PIEZO2: variants seen among roughly 807,000 people sequenced by gnomAD.
PIEZO2 encodes piezo-type mechanosensitive ion channel component 2.
A neutral mutation model predicts 337.3 loss-of-function variants in PIEZO2; 172 were observed. The observed-to-expected ratio is 0.51, with a 90% CI of 0.45 to 0.58. PIEZO2 has a LOEUF of 0.58. Ranked by LOEUF, PIEZO2 falls within the 20% of genes least tolerant of loss-of-function variation. PIEZO2 has a pLI of 0.00. For missense variants in PIEZO2, 3,028 were observed against 3,391.3 expected (o/e 0.89, Z 2.66); for synonymous variants, 1,251 against 1,228.5 (o/e 1.02, Z -0.38).
intron 34 of PIEZO2, among the ~76,000 whole-genome samples, 171 bp from the exon 35 acceptor site, chr18:10,735,501 A>T (rs1247822900): frequency 2.6e-5 from 4 of 152,218 alleles, no homozygotes; most frequent in Admixed American, 2.6e-4. Context: ...GAATAAAGAA[A>T]ATAGTCAATC....
At chr18:11,095,352 A>G (rs1211035752) in intron 1 of PIEZO2, among the ~76,000 whole-genome samples, 1 of 152,208 alleles carries the variant, frequency 6.6e-6, no homozygotes, top group African/African-American at 2.4e-5. Flanking sequence ...ACGAAGAAAG[A>G]CACCATTGAC....
rs558476566 is a variant in PIEZO2, at chr18:10,847,096, C to T, written c.917+8257G>A. On this transcript the variant is annotated intron_variant, in intron 7 of 55. Transcript: ENST00000674853. This position sits in a 1 kb window ranked among gnomAD's most constrained non-coding sequence, Gnocchi z 5.7. ...GCTAGGTGCTCTGCCTAGAAAATAGCAGGGCCAAGGTTCAATCTCGAGCCC... is the reference window on the plus strand; with the variant it reads ...GCTAGGTGCTCTGCCTAGAAAATAGTAGGGCCAAGGTTCAATCTCGAGCCC... Among the ~76,000 whole-genome samples, 27 of 152,172 alleles carry T rather than the reference C, an allele frequency of 1.8e-4. No homozygotes were observed. The highest frequency in any genetic ancestry group is 2.5e-4 in the Non-Finnish European group (17 of 68,026).
rs555919329 is a variant in PIEZO2, at chr18:10,993,548, G to A, written c.161-13888C>T. Among the ~76,000 whole-genome samples the A allele has an allele frequency of 6.6e-6, 1 of 151,864 alleles. No homozygotes were observed. The highest frequency in any genetic ancestry group is 1.5e-5 in the Non-Finnish European group (1 of 67,960). ...TTGTTGTTGTTGTTGTTGTTTTGAGGCGGAGTCTCGCTCTGTGGCCCAGGC... is the reference window on the plus strand; with the variant it reads ...TTGTTGTTGTTGTTGTTGTTTTGAGACGGAGTCTCGCTCTGTGGCCCAGGC... On this transcript the variant is annotated intron_variant, in intron 2 of 55. Coordinates refer to ENST00000674853, the MANE Select transcript of PIEZO2 (RefSeq NM_001378183.1). The surrounding 1 kb of genome is among the most constrained non-coding windows in gnomAD (Gnocchi z 5.0).
chr18:10,912,463 A>T (rs1381055544), intron 3 of PIEZO2, among the ~76,000 whole-genome samples: 1 of 152,186 alleles, frequency 6.6e-6, no homozygotes, highest in South Asian at 2.1e-4. Context: ...TAATCACAGC[A>T]GGTAGTTATT....
intron 3 of PIEZO2, among the ~76,000 whole-genome samples, chr18:10,955,780 A>G (rs538766355): frequency 2.0e-5 from 3 of 152,210 alleles, no homozygotes; most frequent in Non-Finnish European, 4.4e-5. Flanking sequence ...GTAAGTAAGT[A>G]TTACCATTAG....
At chr18:10,882,465 T>G (rs7233279) in intron 4 of PIEZO2, among the ~76,000 whole-genome samples, 9,151 of 152,280 alleles carry the variant, frequency 0.06, 888 homozygotes, top group African/African-American at 0.2. Flanking sequence ...AAATTGTATT[T>G]AGTAAGGACA....
intron 2 of PIEZO2, among the ~76,000 whole-genome samples, chr18:11,040,237 C>G (rs376914948): frequency 6.6e-6 from 1 of 151,870 alleles, no homozygotes; most frequent in African/African-American, 2.4e-5. Flanking sequence ...GCTATTTCTT[C>G]TATTATTATT....
At chr18:10,717,352 G>A (rs550615454) in intron 37 of PIEZO2, among the ~76,000 whole-genome samples, 3 of 152,140 alleles carry the variant, frequency 2.0e-5, no homozygotes, top group South Asian at 2.1e-4. Context: ...GGACTGGCAC[G>A]GTGGAGGGCA....
Position 10,942,639 on chromosome 18 carries a change from C to T in PIEZO2, c.287-31411G>A, listed in dbSNP as rs2032789556. ...AGAGCACAAAAGTTCGGAAAATTTG[C>T]AGCCTGACAATGCAATAAAAAAGAA... On this transcript the variant is annotated intron_variant, in intron 3 of 55. Transcript: ENST00000674853. The surrounding 1 kb of genome is among the most constrained non-coding windows in gnomAD (Gnocchi z 4.4). Among the ~76,000 whole-genome samples, 1 of 152,130 alleles carries T rather than the reference C, an allele frequency of 6.6e-6. No homozygotes were observed. The highest frequency in any genetic ancestry group is 2.4e-5 in the African/African-American group (1 of 41,416).
intron 1 of PIEZO2, among the ~76,000 whole-genome samples, chr18:11,133,830 T>G (rs1231851756): frequency 1.3e-5 from 2 of 150,812 alleles, no homozygotes; most frequent in Non-Finnish European, 2.9e-5. Context: ...ATATACTTAA[T>G]AAACTCCTAT....
chr18:10,828,019 A>T lies in PIEZO2; in HGVS notation c.918-20745T>A, dbSNP rs890112421. Among the ~76,000 whole-genome samples the T allele has an allele frequency of 6.6e-6, 1 of 152,174 alleles. No homozygotes were observed. Among genetic ancestry groups the T allele is most frequent in the Non-Finnish European group, 1.5e-5 (1 of 68,030 alleles). ...CCCCCAGGTCACTAGGTTGATGGAG[A>T]TTTTATAAGCAAAAGATGAATAAAC... On this transcript the variant is annotated intron_variant, in intron 7 of 55. Coordinates refer to ENST00000674853, the MANE Select transcript of PIEZO2 (RefSeq NM_001378183.1). The surrounding 1 kb of genome is among the most constrained non-coding windows in gnomAD (Gnocchi z 4.1).
At position 10,698,966 on chromosome 18, in the gene PIEZO2, G is replaced by C. The variant is rs1567961103; in HGVS notation, c.6653C>G (p.Pro2218Arg). ...TGAAGAAAAGCTGGATCTCTGGGAT[G>C]GCTCGGAGCTGCTGCCGGAGCGCTT... ...RRKRSGSSSE[P>R]SQRSSFSSNR... The change falls in exon 44 of 56, where the codon CCA becomes CGA. Residue 2218 changes from proline to arginine, a missense_variant. This residue lies in a region of PIEZO2 where 1,925 missense variants were observed against 2,051.9 expected (regional missense o/e 0.94). Transcript: ENST00000674853. 1 of 1,536,828 alleles carries C rather than the reference G, an allele frequency of 6.5e-7. No homozygotes were observed. Among genetic ancestry groups the C allele is most frequent in the Non-Finnish European group, 8.7e-7 (1 of 1,146,908 alleles).
intron 7 of PIEZO2, among the ~76,000 whole-genome samples, chr18:10,844,369 G>A (rs931119562): frequency 9.4e-5 from 14 of 148,798 alleles, no homozygotes; most frequent in African/African-American, 2.9e-4. Flanking sequence ...GCAGTGAGCC[G>A]AGACTGCACC....
At position 10,857,780 on chromosome 18, in the gene PIEZO2, T is replaced by A. The variant is rs906566315; in HGVS notation, c.493-569A>T. ...ATCCTTTTAGAGAATGATACGCTGG[T>A]TCAAGCCTCGGCAGCTCAGCACCTA... On this transcript the variant is annotated intron_variant, in intron 5 of 55. Coordinates refer to ENST00000674853, the MANE Select transcript of PIEZO2 (RefSeq NM_001378183.1). Among the ~76,000 whole-genome samples, 4 of 152,302 alleles carry A rather than the reference T, an allele frequency of 2.6e-5. No homozygotes were observed. In the East Asian group the frequency reaches 7.7e-4, roughly 29 times the overall value.
rs1299638339 is a variant in PIEZO2 at position 10,847,543 on chromosome 18, C to T, written c.917+7810G>A. On this transcript the variant is annotated intron_variant, in intron 7 of 55. Transcript: ENST00000674853. The surrounding 1 kb of genome is among the most constrained non-coding windows in gnomAD (Gnocchi z 5.7). ...TTGCTTTTGTACCCAGTACAGGTGT[C>T]GTGGCTGAGTAGGACACCTCATTGC... 1.3e-5 allele frequency among the ~76,000 whole-genome samples: 2 copies of T among 152,130 alleles called. No homozygotes were observed. Among genetic ancestry groups the T allele is most frequent in the Admixed American group, 1.3e-4 (2 of 15,266 alleles).
At chr18:11,122,102 T>C (rs961702299) in intron 1 of PIEZO2, among the ~76,000 whole-genome samples, 2 of 152,124 alleles carry the variant, frequency 1.3e-5, no homozygotes, top group African/African-American at 4.8e-5. Flanking sequence ...TACAGGCGCC[T>C]GCCACCATGC....
intron 7 of PIEZO2, among the ~76,000 whole-genome samples, chr18:10,820,473 A>T (rs1431955804): frequency 1.3e-5 from 2 of 151,932 alleles, no homozygotes; most frequent in East Asian, 3.9e-4. Context: ...TCAGTAGATT[A>T]TTATAGCTAT....
chr18:10,981,944 G>T (rs531353181), intron 2 of PIEZO2, among the ~76,000 whole-genome samples: 1 of 152,252 alleles, frequency 6.6e-6, no homozygotes, highest in Non-Finnish European at 1.5e-5. Context: ...CAGACTGAAG[G>T]CTGCACTGTC....
intron 1 of PIEZO2, among the ~76,000 whole-genome samples, chr18:11,079,688 GC>G (rs1301155013): frequency 6.6e-6 from 1 of 152,126 alleles, no homozygotes; most frequent in Non-Finnish European, 1.5e-5. Context: ...AACCTGGAAT[GC>G]CCCCTGCCCA....
Sources: allele counts gnomAD v4.1 joint callset (sites outside exome capture counted in the v4.1 genomes callset), GRCh38; gene constraint gnomAD v4.1.1; regional missense constraint gnomAD v4.1.1; non-coding constraint Gnocchi (gnomAD v3.1); transcripts MANE v1.5; gene names NCBI Gene and HGNC (gene_info 2026-07-23, HGNC 2026-07-21).